The following AXIN1 variants were observed in gnomAD, a reference collection of about 807,000 sequenced individuals.
AXIN1 encodes the protein axin-1.
A neutral mutation model predicts 76.4 loss-of-function variants in AXIN1; 30 were observed. The ratio of observed to expected loss-of-function variants is 0.39; its 90% CI spans 0.29 to 0.53. The LOEUF (loss-of-function observed/expected upper bound fraction) is 0.53, where lower values mean the gene tolerates loss of function less well. Among genes scored for constraint, AXIN1 ranks in the 20% least tolerant of loss-of-function variants. AXIN1 has a pLI of 0.66. For missense variants in AXIN1, 1,140 were observed against 1,198.8 expected (o/e 0.95, Z 0.72); for synonymous variants, 545 against 501.4 (o/e 1.09, Z -1.16).
At chr16:320,950 G>A (rs759998073) in intron 2 of AXIN1, among the ~76,000 whole-genome samples, 1 of 151,924 alleles carries the variant, frequency 6.6e-6, no homozygotes, top group Non-Finnish European at 1.5e-5. Context: ...GTGTTGGTCA[G>A]GCTGGTCTCG....
intron 3 of AXIN1, among the ~76,000 whole-genome samples, chr16:313,220 T>C (rs1166698488): frequency 6.6e-6 from 1 of 152,162 alleles, no homozygotes; most frequent in Non-Finnish European, 1.5e-5. Context: ...CAGAATTGCT[T>C]GGGACCAGGA....
rs756071423 is a variant in AXIN1, at chr16:297,924, C to T, written c.1582G>A (p.Gly528Ser). 1.6e-5 allele frequency: 26 copies of T among 1,598,368 alleles called. No homozygotes were observed. The Admixed American group carries it at 2.0e-4, about 12-fold the overall frequency. ...TGGACGTGTCGGTGGTGGTGCAGGC[C>T]GGCCGCGTCCAGCTTCGCCCCTGAC... ...PKSGAKLDAA[G>S]LHHHRHVHHH... Residue 528 changes from glycine (G) to serine (S), a missense_variant, in exon 6 of 11, where the codon GGC becomes AGC. By Grantham distance (56) the Gly-to-Ser change is moderately conservative. Around this residue, in one of 3 missense-constraint regions of AXIN1, gnomAD observed 708 missense variants for 776.9 expected, o/e 0.91. Coordinates refer to ENST00000262320, the MANE Select transcript of AXIN1 (RefSeq NM_003502.4).
In AXIN1 at chr16:288,117, G is replaced by A. The variant is rs2052437142; in HGVS notation, c.*5C>T. On this transcript the variant is annotated 3_prime_UTR_variant, in exon 11 of 11. Transcript: ENST00000262320. ...GCCTGGCACAGCGGCCAGCCCACCA[G>A]CCTATCAGTCCACCTTCTCCACTTT... The A allele has an allele frequency of 6.2e-7, 1 of 1,613,284 alleles. No homozygotes were observed. The highest frequency in any genetic ancestry group is 1.1e-5 in the South Asian group (1 of 91,088).
chr16:313,397 CCT>C (rs1206071223), intron 3 of AXIN1, among the ~76,000 whole-genome samples: 1 of 152,176 alleles, frequency 6.6e-6, no homozygotes, highest in African/African-American at 2.4e-5. Flanking sequence ...GTGAGAAGTC[CCT>C]CTCTCCTCCT....
At chr16:289,712 G>A in intron 9 of AXIN1, 105 bp from the exon 10 acceptor site, 2 of 1,450,754 alleles carry the variant, frequency 1.4e-6, no homozygotes, top group Non-Finnish European at 1.9e-6. Context: ...AGGCCTGCAG[G>A]GGTGAGCAGC....
At chr16:336,138 G>C (rs1349646422) in intron 2 of AXIN1, among the ~76,000 whole-genome samples, 1 of 152,176 alleles carries the variant, frequency 6.6e-6, no homozygotes, top group Non-Finnish European at 1.5e-5. Context: ...GGGAGGCCGA[G>C]GCAGAAGAAT....
chr16:318,077 G>A (rs774969368), intron 2 of AXIN1, among the ~76,000 whole-genome samples: 8 of 151,004 alleles, frequency 5.3e-5, no homozygotes, highest in African/African-American at 1.9e-4. Flanking sequence ...GGCACATGGC[G>A]TGTCTGTCTT....
chr16:298,450 G>C (rs1278414728), intron 5 of AXIN1, among the ~76,000 whole-genome samples, 199 bp from the exon 6 acceptor site: 1 of 152,244 alleles, frequency 6.6e-6, no homozygotes, highest in Non-Finnish European at 1.5e-5. Context: ...AGACAGCAAG[G>C]CCTCAAGGAA....
intron 7 of AXIN1, among the ~76,000 whole-genome samples, chr16:294,460 C>CAAAA (rs35746106): frequency 4.1e-5 from 2 of 48,306 alleles, no homozygotes; most frequent in Non-Finnish European, 7.5e-5. Context: ...GACTCCATCT[C>CAAAA]AAAAAAAAAA....
At position 297,873 on chromosome 16, in the gene AXIN1, G is replaced by A. The variant is rs199666954; in HGVS notation, c.1633C>T (p.Arg545Trp). 148 of 1,586,480 alleles carry A rather than the reference G, an allele frequency of 9.3e-5. No individual in the cohort carries two copies. The highest frequency in any genetic ancestry group is 3.2e-4 in the South Asian group (28 of 87,018). Residue 545 changes from arginine to tryptophan, a missense_variant, in exon 6 of 11, where the codon CGG becomes TGG. Physicochemically the swap from Arg to Trp is moderately radical, Grantham distance 101. This residue lies in a region of AXIN1 where 708 missense variants were observed against 776.9 expected (regional missense o/e 0.91). Coordinates refer to ENST00000262320, the MANE Select transcript of AXIN1 (RefSeq NM_003502.4). ...TCGGCCTCCACCTGCTCCTTGGGCC[G>A]GGCTGTGCTGTGGTGGACGTGGTGG... The part of the protein sequence containing the change: ...VHHHVHHSTA[R>W]PKEQVEAEAT...
chr16:295,265 C>A (rs1292890969), intron 7 of AXIN1, among the ~76,000 whole-genome samples: 1 of 151,568 alleles, frequency 6.6e-6, no homozygotes, highest in African/African-American at 2.4e-5. Flanking sequence ...CCACCACACA[C>A]GGCTAATTTT....
In AXIN1 at chr16:288,005, G is replaced by T. The variant is rs1032002642; in HGVS notation, c.*117C>A. On this transcript the variant is annotated 3_prime_UTR_variant, in exon 11 of 11. Transcript: ENST00000262320. ...TAGACACGGGTAGACCACAGGGATG[G>T]GTGGTACACCCAACACTGTTCCCCA... 1.6e-5 allele frequency: 24 copies of T among 1,534,420 alleles called. No homozygotes were observed. The highest frequency in any genetic ancestry group is 1.0e-4 in the Admixed American group (6 of 59,852).
rs756308108 is a variant in AXIN1 at position 298,213 on chromosome 16, G to A, written c.1293C>T (p.Pro431=). The A allele has an allele frequency of 1.9e-6, 3 of 1,540,880 alleles. No individual in the cohort carries two copies. The East Asian group carries it at 7.3e-5, about 38-fold the overall frequency. ...GAGGCAGCTTGTGACACGGCCCTGGGGGCCCTGACGATGGATCGCCGTCCT... is the reference window on the plus strand; with the variant it reads ...GAGGCAGCTTGTGACACGGCCCTGGAGGCCCTGACGATGGATCGCCGTCCT... ...EGEDGDPSSG[P]PGPCHKLPPA... is the part of the protein sequence containing the mutation. Residue 431 remains proline, a synonymous_variant, in exon 6 of 11, where the codon CCC becomes CCT. Coordinates refer to ENST00000262320, the MANE Select transcript of AXIN1 (RefSeq NM_003502.4).
chr16:325,530 C>T (rs528115878), intron 2 of AXIN1, among the ~76,000 whole-genome samples: 129 of 152,364 alleles, frequency 8.5e-4, no homozygotes, highest in Non-Finnish European at 1.6e-3. Flanking sequence ...CCACAGCCAG[C>T]GCCCTCCCCA....
At chr16:348,545 G>C (rs1385074468) in intron 1 of AXIN1, among the ~76,000 whole-genome samples, 1 of 152,208 alleles carries the variant, frequency 6.6e-6, no homozygotes, top group Non-Finnish European at 1.5e-5. Context: ...CGCACCTGTA[G>C]TCCCAGCTAC....
At position 293,671 on chromosome 16, in the gene AXIN1, A is replaced by G. The variant is rs2141486897; in HGVS notation, c.2003T>C (p.Leu668Ser). 6.2e-7 allele frequency: 1 copy of G among 1,613,676 alleles called. No individual in the cohort carries two copies. The highest frequency in any genetic ancestry group is 8.5e-7 in the Non-Finnish European group (1 of 1,180,014). ...KPQPHENSRP[L>S]SLEHPWAGPQ... ...GCCGGCCCAGGGGTGCTCAAGGGAC[A>G]AGGGTCTGGAGTTCTCATGGGGCTG... Residue 668 changes from leucine to serine, a missense_variant, in exon 8 of 11, where the codon TTG becomes TCG. Around this residue, in one of 3 missense-constraint regions of AXIN1, gnomAD observed 429 missense variants for 405.8 expected, o/e 1.06. Transcript: ENST00000262320. This position sits in a 1 kb window ranked among gnomAD's most constrained non-coding sequence, Gnocchi z 4.6.
At chr16:300,368 CTTTTTT>C (rs35422382) in intron 5 of AXIN1, among the ~76,000 whole-genome samples, 1 of 149,112 alleles carries the variant, frequency 6.7e-6, no homozygotes, top group African/African-American at 2.5e-5. Context: ...TTTTCTTTTT[CTTTTTT>C]TTTTGTAGAG....
In AXIN1 at chr16:309,611, G is replaced by C. The variant is rs76038336; in HGVS notation, c.1116+362C>G. Reference sequence around the variant, plus strand: ...AAACACCAAGTTTTCCCCAAGGGCTGTGCAGGGGCCAGGCCTGGGCTCTGA... The same window carrying C: ...AAACACCAAGTTTTCCCCAAGGGCTCTGCAGGGGCCAGGCCTGGGCTCTGA... On this transcript the variant is annotated intron_variant, in intron 4 of 10. Coordinates refer to ENST00000262320, the MANE Select transcript of AXIN1 (RefSeq NM_003502.4). 2.5e-3 allele frequency among the ~76,000 whole-genome samples: 375 copies of C among 152,346 alleles called. 8 individuals carry two copies. In the East Asian group the frequency reaches 0.069, roughly 28 times the overall value.
chr16:336,727 G>A (rs963083504), intron 2 of AXIN1, among the ~76,000 whole-genome samples: 1 of 146,730 alleles, frequency 6.8e-6, no homozygotes, highest in East Asian at 2.1e-4. Flanking sequence ...TGAGGCAGGA[G>A]AATCATTTGA....
Sources: allele counts gnomAD v4.1 joint callset (sites outside exome capture counted in the v4.1 genomes callset), GRCh38; gene constraint gnomAD v4.1.1; regional missense constraint gnomAD v4.1.1; non-coding constraint Gnocchi (gnomAD v3.1); transcripts MANE v1.5; gene names NCBI Gene and HGNC (gene_info 2026-07-23, HGNC 2026-07-21).